Variants in INSC observed in about 807,000 individuals in gnomAD.
INSC encodes the protein protein inscuteable homolog.
A neutral mutation model predicts 58.6 loss-of-function variants in INSC; 67 were observed. That is an observed-to-expected ratio of 1.14 (90% CI 0.94 to 1.40). The LOEUF (loss-of-function observed/expected upper bound fraction) is 1.40. INSC is among the 40% of genes most tolerant of loss of function. The probability of loss-of-function intolerance (pLI) is 0.00; values close to 1 mark genes in which losing one functional copy is unlikely to be tolerated. For synonymous variants in INSC, 262 were observed against 276.1 expected (o/e 0.95, Z 0.51); for missense variants, 714 against 692.0 (o/e 1.03, Z -0.36).
chr11:15,146,869 C>T (rs544850230), intron 1 of INSC, among the ~76,000 whole-genome samples: 15 of 152,196 alleles, frequency 9.9e-5, no homozygotes, highest in Non-Finnish European at 2.1e-4. Context: ...TCTCTGGATC[C>T]CTCAGAGATG....
downstream of INSC, among the ~76,000 whole-genome samples, chr11:15,247,942 G>A (rs796165372): frequency 1.1e-4 from 16 of 151,934 alleles, no homozygotes; most frequent in Admixed American, 9.2e-4. Context: ...TTGAAGAGAC[G>A]GACTCGCTTT....
chr11:15,201,264 C>T (rs114511869), intron 7 of INSC, among the ~76,000 whole-genome samples: 1,522 of 152,176 alleles, frequency 0.01, 31 homozygotes, highest in African/African-American at 0.035. Flanking sequence ...GGTGTTGGTG[C>T]TGGGGTTCAG....
At chr11:15,145,617 C>T (rs1346696228) in intron 1 of INSC, among the ~76,000 whole-genome samples, 1 of 152,170 alleles carries the variant, frequency 6.6e-6, no homozygotes, top group African/African-American at 2.4e-5. Context: ...TCTCCCCTCC[C>T]CTGATCCCTT....
intron 1 of INSC, among the ~76,000 whole-genome samples, chr11:15,128,393 A>T (rs767841737): frequency 1.3e-5 from 2 of 152,188 alleles, no homozygotes; most frequent in African/African-American, 2.4e-5. Flanking sequence ...TCATAATGTC[A>T]TATCCATTAT....
chr11:15,232,784 A>G (rs555176947), intron 9 of INSC, among the ~76,000 whole-genome samples: 2 of 152,222 alleles, frequency 1.3e-5, no homozygotes, highest in Admixed American at 6.5e-5. Context: ...CTCAAACGTG[A>G]TTAAGGAAGC....
chr11:15,220,861 G>A (rs1017240142), intron 7 of INSC, among the ~76,000 whole-genome samples: 8 of 152,322 alleles, frequency 5.3e-5, no homozygotes, highest in Admixed American at 5.2e-4. Flanking sequence ...GGCACAGAAA[G>A]CAAGGCCACC....
intron 6 of INSC, among the ~76,000 whole-genome samples, chr11:15,192,962 C>A (rs1389408918): frequency 6.6e-6 from 1 of 152,168 alleles, no homozygotes; most frequent in Non-Finnish European, 1.5e-5. Context: ...ATGTAATTCT[C>A]ATGATTCTGT....
intron 1 of INSC, among the ~76,000 whole-genome samples, chr11:15,147,334 G>T (rs887446795): frequency 1.3e-5 from 2 of 152,024 alleles, no homozygotes; most frequent in African/African-American, 2.4e-5. Context: ...TGAGCCTCTC[G>T]CTGTGCTAAG....
chr11:15,195,985 G>T (rs764746355), intron 6 of INSC, among the ~76,000 whole-genome samples: 4 of 152,138 alleles, frequency 2.6e-5, no homozygotes, highest in Non-Finnish European at 5.9e-5. Context: ...TATTTGCCAC[G>T]TTTAGTCATC....
chr11:15,252,666 G>A, the INSC span, among the ~76,000 whole-genome samples: 233 of 152,228 alleles, frequency 1.5e-3, 1 homozygote, highest in African/African-American at 5.4e-3. Context: ...TCACTTAGAT[G>A]ACTTCTGACA....
chr11:15,147,384 G>C (rs937850401), intron 1 of INSC, among the ~76,000 whole-genome samples: 1 of 152,108 alleles, frequency 6.6e-6, no homozygotes, highest in Non-Finnish European at 1.5e-5. Context: ...ATCTCCCTTA[G>C]CATAGCTGAC....
downstream of INSC, among the ~76,000 whole-genome samples, chr11:15,249,282 C>T (rs1852625163): frequency 2.6e-5 from 4 of 152,190 alleles, no homozygotes; most frequent in South Asian, 8.3e-4. Context: ...AGTCTACATC[C>T]TTTCTTATTC....
At chr11:15,234,147 C>T (rs1852031274) in intron 9 of INSC, among the ~76,000 whole-genome samples, 1 of 152,206 alleles carries the variant, frequency 6.6e-6, no homozygotes, top group Admixed American at 6.5e-5. Flanking sequence ...TACAGAGTTG[C>T]TTTCAGGATA....
chr11:15,199,869 A>G (rs1354140972), intron 6 of INSC, among the ~76,000 whole-genome samples: 4 of 152,174 alleles, frequency 2.6e-5, no homozygotes, highest in Non-Finnish European at 5.9e-5. Context: ...GCCACTCTAA[A>G]TGCCCCAGTT....
intron 7 of INSC, among the ~76,000 whole-genome samples, chr11:15,218,562 C>CTATA (rs372606638): frequency 2.0e-5 from 3 of 150,518 alleles, no homozygotes; most frequent in Admixed American, 6.6e-5. Context: ...CTCTCTCTCT[C>CTATA]TATATATATA....
intron 2 of INSC, among the ~76,000 whole-genome samples, chr11:15,159,062 C>A (rs1421545025): frequency 6.6e-6 from 1 of 152,130 alleles, no homozygotes; most frequent in African/African-American, 2.4e-5. Context: ...GCAACTTCTC[C>A]TGGCCTCTTG....
intron 6 of INSC, among the ~76,000 whole-genome samples, chr11:15,196,226 T>A (rs1022700642): frequency 4.6e-5 from 7 of 152,350 alleles, no homozygotes; most frequent in Admixed American, 4.6e-4. Flanking sequence ...TAATTACTAT[T>A]TATTGGTGGC....
the INSC span, among the ~76,000 whole-genome samples, chr11:15,256,764 A>T: frequency 6.6e-6 from 1 of 152,216 alleles, no homozygotes; most frequent in East Asian, 1.9e-4. Flanking sequence ...CTGGGATTAC[A>T]CGGGTGAGGC....
At chr11:15,268,154 T>A in the INSC span, among the ~76,000 whole-genome samples, 1 of 152,040 alleles carries the variant, frequency 6.6e-6, no homozygotes, top group Non-Finnish European at 1.5e-5. Context: ...GAATTTACTG[T>A]CCCACACTGA....
Sources: gnomAD v4.1 joint callset for allele counts (sites outside exome capture counted in the v4.1 genomes callset) on GRCh38, gnomAD v4.1.1 for gene constraint, MANE v1.5 for transcripts, NCBI Gene and HGNC (gene_info 2026-07-23, HGNC 2026-07-21) for gene names.